The following NUP133 variants were observed in gnomAD, a reference collection of about 807,000 sequenced individuals.
NUP133 encodes nuclear pore complex protein Nup133.
In NUP133, 66 loss-of-function variants were observed where a neutral mutation model predicts 146.2. That is an observed-to-expected ratio of 0.45 (90% CI 0.37 to 0.55). The LOEUF is 0.55. NUP133 is among the 20% of genes least tolerant of loss of function. The probability of loss-of-function intolerance (pLI) is 0.00; values close to 1 mark genes in which losing one functional copy is unlikely to be tolerated. For synonymous variants in NUP133, 521 were observed against 498.8 expected (o/e 1.04, Z -0.59); for missense variants, 1,277 against 1,374.8 (o/e 0.93, Z 1.12).
intron 23 of NUP133, among the ~76,000 whole-genome samples, chr1:229,449,881 T>C (rs1257134007): frequency 1.4e-5 from 1 of 72,886 alleles, no homozygotes; most frequent in Admixed American, 1.4e-4. Flanking sequence ...ATATTTTTTT[T>C]TTTTTTTTTT....
At chr1:229,449,370 CTT>C (rs71173728) in intron 23 of NUP133, among the ~76,000 whole-genome samples, 180 bp from the exon 24 acceptor site, 26 of 139,708 alleles carry the variant, frequency 1.9e-4, no homozygotes, top group Admixed American at 2.2e-4. Context: ...AAGAGTTTTT[CTT>C]TTTTTTTTTT....
intron 24 of NUP133, 44 bp from the exon 25 acceptor site, chr1:229,445,046 A>G: frequency 1.5e-6 from 2 of 1,296,680 alleles, no homozygotes; most frequent in Non-Finnish European, 2.2e-6. Context: ...AATCACTGAT[A>G]TAGCTGAATT....
chr1:229,502,577 A>G (rs553854504), intron 2 of NUP133, among the ~76,000 whole-genome samples: 68 of 150,828 alleles, frequency 4.5e-4, no homozygotes, highest in South Asian at 8.3e-4. Context: ...AAAAAAAAAA[A>G]AAAGAAAGAA....
At chr1:229,490,890 G>A (rs368182814) in intron 8 of NUP133, among the ~76,000 whole-genome samples, 110 of 151,642 alleles carry the variant, frequency 7.3e-4, no homozygotes, top group African/African-American at 2.4e-3. Flanking sequence ...GGTGGAGGTT[G>A]CAGTGAGCTG....
intron 24 of NUP133, chr1:229,448,848 G>T (rs1286280307): frequency 2.3e-6 from 1 of 443,814 alleles, no homozygotes; most frequent in Non-Finnish European, 4.0e-6. Flanking sequence ...GCTGGTCGGT[G>T]AGGAACACAG....
Position 229,470,594 on chromosome 1 carries a change from C to T in NUP133, c.2062G>A (p.Val688Ile). ...EIPSNLTPAD[V>I]FFREVSQVDT... Reference sequence around the variant, plus strand: ...ACTCATCTTACCTCCCTGAAAAAGACATCTGCAGGAGTCAGGTTGGATGGG... The same window carrying T: ...ACTCATCTTACCTCCCTGAAAAAGATATCTGCAGGAGTCAGGTTGGATGGG... Residue 688 changes from valine (V) to isoleucine (I), a missense_variant, in exon 15 of 26, where the codon GTC (valine) becomes ATC (isoleucine). This residue lies in a region of NUP133 where 952 missense variants were observed against 1,047.0 expected (regional missense o/e 0.91). Transcript: ENST00000261396. The T allele has an allele frequency of 6.2e-7, 1 of 1,614,068 alleles. No individual in the cohort carries two copies. The highest frequency in any genetic ancestry group is 8.5e-7 in the Non-Finnish European group (1 of 1,179,898).
chr1:229,482,533 A>G (rs1427543298), intron 12 of NUP133, among the ~76,000 whole-genome samples: 1 of 152,192 alleles, frequency 6.6e-6, no homozygotes. Flanking sequence ...TTTCCTGAGT[A>G]TTTATTCAAA....
At position 229,444,949 on chromosome 1, in the gene NUP133, A is replaced by G. The variant is rs146480140; in HGVS notation, c.3299T>C (p.Ile1100Thr). 1.8e-5 allele frequency: 29 copies of G among 1,612,114 alleles called. 2 individuals carry two copies. The Middle Eastern group carries it at 3.8e-3, about 210-fold the overall frequency. ...DDPIEVSKDS[I>T]FVKILQKLLK... ...AAGTTTCTGTAAGATCTTCACAAAT[A>G]TACTGTCTTTAGATACTTCAATTGG... Residue 1100 changes from isoleucine (I) to threonine (T), a missense_variant, in exon 25 of 26, where the codon ATA becomes ACA. By Grantham distance (89) the Ile-to-Thr change is moderately conservative (BLOSUM62 -1). Coordinates refer to ENST00000261396, the MANE Select transcript of NUP133 (RefSeq NM_018230.3).
Position 229,472,709 on chromosome 1 carries a change from T to TAC in NUP133, c.1852-1906_1852-1905insGT, listed in dbSNP as rs747153598. ...AAAAAATTAAAAAACTAAATATACA[T>TAC]ATATATATATATATATATGTACAAT... On this transcript the variant is annotated intron_variant, in intron 14 of 25. Coordinates refer to ENST00000261396, the MANE Select transcript of NUP133 (RefSeq NM_018230.3). 4.5e-4 allele frequency among the ~76,000 whole-genome samples: 62 copies of TAC among 137,348 alleles called. 2 individuals carry two copies. Among genetic ancestry groups the TAC allele is most frequent in the Admixed American group, 3.2e-3 (45 of 13,898 alleles). The allele number at this position is 137,348 out of a possible 152,430, so 90.1% of individuals were successfully genotyped here.
chr1:229,467,832 G>A (rs1660858645), intron 15 of NUP133, among the ~76,000 whole-genome samples: 2 of 151,686 alleles, frequency 1.3e-5, no homozygotes, highest in East Asian at 3.9e-4. Context: ...GGCTGAGGCA[G>A]GAGAATTGCT....
intron 24 of NUP133, chr1:229,448,839 C>G (rs995413356): frequency 2.7e-5 from 11 of 411,642 alleles, no homozygotes; most frequent in East Asian, 1.0e-4. Context: ...CAATTTATAG[C>G]TGGTCGGTGA....
chr1:229,447,907 C>T (rs1383531794), intron 24 of NUP133, among the ~76,000 whole-genome samples: 1 of 152,150 alleles, frequency 6.6e-6, no homozygotes, highest in Non-Finnish European at 1.5e-5. Context: ...GGACTGGTAT[C>T]ACAAGACACA....
chr1:229,444,777 G>A, intron 25 of NUP133, 137 bp downstream of exon 25: 1 of 554,160 alleles, frequency 1.8e-6, no homozygotes, highest in Non-Finnish European at 3.2e-6. Flanking sequence ...AACCCGGGAG[G>A]TGGAGGCTGC....
chr1:229,450,707 AGTTT>A lies in NUP133; in HGVS notation c.3100-106_3100-103del, dbSNP rs1558088941. 4 of 551,428 alleles carry A rather than the reference AGTTT, an allele frequency of 7.3e-6. No individual in the cohort carries two copies. In the African/African-American group the frequency reaches 8.1e-5, roughly 11 times the overall value. 34.2% of individuals were successfully genotyped at this position (551,428 alleles called of 1,614,324 possible). On this transcript the variant is annotated intron_variant, in intron 22 of 25. Coordinates refer to ENST00000261396, the MANE Select transcript of NUP133 (RefSeq NM_018230.3). ...TCATTATGTCTTGTAAGGAAGTTGT[AGTTT>A]GTTTTTTGTTTGTTTGTTTGTTTGT...
At chr1:229,462,021 T>C (rs1420105115) in intron 19 of NUP133, among the ~76,000 whole-genome samples, 1 of 152,108 alleles carries the variant, frequency 6.6e-6, no homozygotes, top group African/African-American at 2.4e-5. Flanking sequence ...ACAGATGGAA[T>C]TACAGGCACA....
chr1:229,447,401 T>C (rs1660324343), intron 24 of NUP133, among the ~76,000 whole-genome samples: 1 of 152,162 alleles, frequency 6.6e-6, no homozygotes, highest in Admixed American at 6.5e-5. Flanking sequence ...AAATATGTAT[T>C]TGGTCTTCTT....
chr1:229,495,723 T>C (rs538933865), intron 7 of NUP133, among the ~76,000 whole-genome samples, 158 bp from the exon 8 acceptor site: 1 of 152,276 alleles, frequency 6.6e-6, no homozygotes, highest in African/African-American at 2.4e-5. Context: ...AACCAATGCA[T>C]TCCAATATTT....
intron 19 of NUP133, among the ~76,000 whole-genome samples, chr1:229,463,169 G>A (rs1249604354): frequency 6.6e-6 from 1 of 151,968 alleles, no homozygotes; most frequent in East Asian, 1.9e-4. Flanking sequence ...CAGGAGGATC[G>A]CTTGAGCCCA....
At chr1:229,483,875 C>A (rs1376469459) in intron 12 of NUP133, among the ~76,000 whole-genome samples, 179 bp downstream of exon 12, 1 of 151,914 alleles carries the variant, frequency 6.6e-6, no homozygotes, top group Non-Finnish European at 1.5e-5. Context: ...CTAGCTGGAA[C>A]CCTCCCATGG....
Sources: allele counts gnomAD v4.1 joint callset (sites outside exome capture counted in the v4.1 genomes callset), GRCh38; gene constraint gnomAD v4.1.1; regional missense constraint gnomAD v4.1.1; transcripts MANE v1.5; gene names NCBI Gene and HGNC (gene_info 2026-07-23, HGNC 2026-07-21).